The following SEMA3D variants were observed in gnomAD, a reference collection of about 807,000 sequenced individuals.
SEMA3D encodes the protein semaphorin-3D.
SEMA3D carries 84 observed loss-of-function variants against 100.1 expected under a neutral mutation model. That is an observed-to-expected ratio of 0.84 (90% CI 0.70 to 1.01). The LOEUF is 1.01. Among genes scored for constraint, SEMA3D ranks in the 50% least tolerant of loss-of-function variants. SEMA3D has a pLI of 0.00. For synonymous variants in SEMA3D, 312 were observed against 320.7 expected (o/e 0.97, Z 0.29); for missense variants, 875 against 934.1 (o/e 0.94, Z 0.82).
chr7:85,132,062 T>C (rs1159330002), intron 2 of SEMA3D, among the ~76,000 whole-genome samples: 1 of 151,992 alleles, frequency 6.6e-6, no homozygotes, highest in Non-Finnish European at 1.5e-5. Context: ...AAAAGAATCA[T>C]GTTTAAAAAC....
intron 4 of SEMA3D, among the ~76,000 whole-genome samples, chr7:85,081,784 T>C (rs1788073472): frequency 1.3e-5 from 2 of 152,218 alleles, no homozygotes; most frequent in South Asian, 4.1e-4. Context: ...CTATCCATTT[T>C]TGTGAATCTT....
chr7:85,175,134 C>T (rs975682022), intron 1 of SEMA3D, among the ~76,000 whole-genome samples: 1 of 152,060 alleles, frequency 6.6e-6, no homozygotes, highest in Non-Finnish European at 1.5e-5. Context: ...GGAAAGTAGG[C>T]CTGAATGCGA....
At chr7:85,231,650 C>T in the SEMA3D span, among the ~76,000 whole-genome samples, 26 of 152,138 alleles carry the variant, frequency 1.7e-4, no homozygotes, top group African/African-American at 6.0e-4. Flanking sequence ...CAGGGTTTCA[C>T]TGTGTTAGCC....
the SEMA3D span, among the ~76,000 whole-genome samples, chr7:85,194,087 C>G: frequency 2.6e-5 from 4 of 151,980 alleles, no homozygotes; most frequent in Admixed American, 2.6e-4. Flanking sequence ...CTCATTAGTT[C>G]CAAGATAGTT....
chr7:85,006,346 G>T (rs1388767618), intron 18 of SEMA3D, among the ~76,000 whole-genome samples: 1 of 151,742 alleles, frequency 6.6e-6, no homozygotes, highest in Non-Finnish European at 1.5e-5. Flanking sequence ...TAACATGTCT[G>T]GATACTTATC....
In SEMA3D at chr7:85,055,890, G is replaced by A. The variant is rs750625935; in HGVS notation, c.719-31C>T. 2.1e-5 allele frequency: 27 copies of A among 1,302,686 alleles called. No individual in the cohort carries two copies. In the African/African-American group the frequency reaches 3.5e-4, roughly 17 times the overall value. The allele number at this position is 1,302,686 out of a possible 1,614,324, so 80.7% of individuals were successfully genotyped here. ...TGAAAGAAAAGAAGCTATAAATTAA[G>A]ATACTGAAACAATCCAGTCATCATA... On this transcript the variant is annotated intron_variant, in intron 8 of 18. Transcript: ENST00000284136.
chr7:85,113,131 T>A (rs1241312908), intron 3 of SEMA3D, among the ~76,000 whole-genome samples: 1 of 152,138 alleles, frequency 6.6e-6, no homozygotes, highest in Non-Finnish European at 1.5e-5. Flanking sequence ...AAGAAGATCA[T>A]CTCTCAAAAA....
At chr7:85,143,974 G>A (rs1790128823) in intron 2 of SEMA3D, among the ~76,000 whole-genome samples, 1 of 151,926 alleles carries the variant, frequency 6.6e-6, no homozygotes, top group African/African-American at 2.4e-5. Flanking sequence ...GCCTCCCAAA[G>A]TACTGGGATT....
chr7:85,040,546 A>C, intron 11 of SEMA3D, 127 bp downstream of exon 11: 1 of 607,034 alleles, frequency 1.6e-6, no homozygotes, highest in South Asian at 2.0e-5. Context: ...CTAAGTGAAA[A>C]GGTAAAATGA....
chr7:85,092,226 T>C (rs1788415624), intron 4 of SEMA3D, among the ~76,000 whole-genome samples: 1 of 152,112 alleles, frequency 6.6e-6, no homozygotes. Flanking sequence ...CTACCATATG[T>C]GATCTGTCTC....
intron 18 of SEMA3D, among the ~76,000 whole-genome samples, chr7:85,004,520 A>G (rs1189724932): frequency 6.6e-6 from 1 of 152,114 alleles, no homozygotes; most frequent in Non-Finnish European, 1.5e-5. Context: ...GTTTTATAAG[A>G]AAGTCAGCAG....
chr7:85,054,908 T>C (rs1791265394), intron 9 of SEMA3D, among the ~76,000 whole-genome samples: 1 of 152,116 alleles, frequency 6.6e-6, no homozygotes, highest in Non-Finnish European at 1.5e-5. Context: ...GTAGCAACAT[T>C]ATTCCATAAA....
At chr7:85,227,796 A>T in the SEMA3D span, among the ~76,000 whole-genome samples, 1 of 152,136 alleles carries the variant, frequency 6.6e-6, no homozygotes, top group East Asian at 1.9e-4. Flanking sequence ...GAAATTTTCT[A>T]AGTTGGACCT....
At chr7:85,204,750 C>T in the SEMA3D span, among the ~76,000 whole-genome samples, 1 of 152,030 alleles carries the variant, frequency 6.6e-6, no homozygotes, top group Admixed American at 6.6e-5. Context: ...TCATTTTCTT[C>T]CTCTAGCCTT....
chr7:85,119,507 T>A (rs1488073996), intron 3 of SEMA3D, among the ~76,000 whole-genome samples: 1 of 151,834 alleles, frequency 6.6e-6, no homozygotes, highest in Non-Finnish European at 1.5e-5. Context: ...AACCTACTAA[T>A]GGAGGGGAAA....
At chr7:85,142,991 C>T in intron 2 of SEMA3D, 2 of 982,206 alleles carry the variant, frequency 2.0e-6, no homozygotes, top group African/African-American at 1.7e-5. Flanking sequence ...AGACAACTTA[C>T]TAAACTTTTT....
chr7:85,074,271 C>T (rs911383754), intron 5 of SEMA3D, among the ~76,000 whole-genome samples: 3 of 152,142 alleles, frequency 2.0e-5, no homozygotes, highest in Admixed American at 2.0e-4. Context: ...CCATAGGTTA[C>T]TCACCAGTCA....
the SEMA3D span, among the ~76,000 whole-genome samples, chr7:85,236,833 C>T: frequency 6.6e-6 from 1 of 151,970 alleles, no homozygotes; most frequent in Non-Finnish European, 1.5e-5. Flanking sequence ...GAGTAAAGTA[C>T]ATAAGCTAAA....
intron 1 of SEMA3D, among the ~76,000 whole-genome samples, chr7:85,170,892 T>C (rs1317155260): frequency 6.6e-6 from 1 of 152,050 alleles, no homozygotes; most frequent in African/African-American, 2.4e-5. Context: ...AAAACACTAG[T>C]GTTGACTTTT....
Sources: allele counts gnomAD v4.1 joint callset (sites outside exome capture counted in the v4.1 genomes callset), GRCh38; gene constraint gnomAD v4.1.1; transcripts MANE v1.5; gene names NCBI Gene and HGNC (gene_info 2026-07-23, HGNC 2026-07-21).